The following KCNMA1 variants were observed in gnomAD, a reference collection of about 807,000 sequenced individuals.
KCNMA1 encodes potassium calcium-activated channel subfamily M alpha 1.
Under a neutral mutation model 140.0 loss-of-function variants are expected in KCNMA1, and 29 were observed. The observed-to-expected ratio is 0.21, with a 90% confidence interval of 0.15 to 0.28. The LOEUF (loss-of-function observed/expected upper bound fraction) is 0.28. Ranked by LOEUF, KCNMA1 falls within the 10% of genes least tolerant of loss-of-function variation. The probability of loss-of-function intolerance (pLI) is 1.00; values close to 1 mark genes in which losing one functional copy is unlikely to be tolerated. For missense variants in KCNMA1, 880 were observed against 1,602.2 expected (o/e 0.55, Z 7.70); for synonymous variants, 612 against 611.9 (o/e 1.00, Z 0.00).
chr10:76,890,271 AGCG>A (rs2039363775), intron 26 of KCNMA1, among the ~76,000 whole-genome samples: 1 of 152,224 alleles, frequency 6.6e-6, no homozygotes, highest in Non-Finnish European at 1.5e-5. Context: ...TGCTGGCTTC[AGCG>A]GCCAGGTGGC....
At chr10:77,016,323 T>A (rs1338081940) in intron 17 of KCNMA1, among the ~76,000 whole-genome samples, 1 of 152,166 alleles carries the variant, frequency 6.6e-6, no homozygotes, top group Non-Finnish European at 1.5e-5. Flanking sequence ...AATTATTTTT[T>A]AAAAAACTGT....
intron 5 of KCNMA1, among the ~76,000 whole-genome samples, chr10:77,137,757 T>G (rs2098078616): frequency 6.6e-6 from 1 of 152,210 alleles, no homozygotes; most frequent in Non-Finnish European, 1.5e-5. Flanking sequence ...CTTTGGTAAT[T>G]GTTCAGGTTG....
chr10:77,427,722 T>TTTAA, intron 1 of KCNMA1, among the ~76,000 whole-genome samples: 1 of 97,484 alleles, frequency 1.0e-5, no homozygotes, highest in Non-Finnish European at 2.2e-5. Flanking sequence ...CATCCATTCA[T>TTTAA]TTATTTATTT....
At chr10:77,413,179 A>T (rs1368154318) in intron 1 of KCNMA1, among the ~76,000 whole-genome samples, 1 of 152,138 alleles carries the variant, frequency 6.6e-6, no homozygotes. Context: ...TTTTTAAAAA[A>T]TGCTTTGTTT....
At chr10:76,941,116 G>GAGGGACGGGA in intron 23 of KCNMA1, among the ~76,000 whole-genome samples, 3 of 88,642 alleles carry the variant, frequency 3.4e-5, no homozygotes, top group East Asian at 4.2e-4. Context: ...GGGAGGGAGG[G>GAGGGACGGGA]AGGGAAGGGA....
chr10:77,266,641 C>A (rs1039471196), intron 2 of KCNMA1, among the ~76,000 whole-genome samples: 2 of 152,152 alleles, frequency 1.3e-5, no homozygotes, highest in Non-Finnish European at 2.9e-5. Context: ...ACAGAAAGAT[C>A]AACTCTTAGG....
intron 1 of KCNMA1, among the ~76,000 whole-genome samples, chr10:77,412,292 C>T (rs775858549): frequency 1.2e-4 from 19 of 152,318 alleles, no homozygotes; most frequent in South Asian, 4.1e-4. Context: ...AGGCCATTTC[C>T]CCTGAGCCTT....
intron 14 of KCNMA1, among the ~76,000 whole-genome samples, chr10:77,072,037 C>T (rs12774382): frequency 0.082 from 12,426 of 152,262 alleles, 648 homozygotes; most frequent in Non-Finnish European, 0.12. Flanking sequence ...TAGGTAGCCA[C>T]ATGACAGCAA....
At chr10:77,154,771 T>C (rs2098463649) in intron 5 of KCNMA1, among the ~76,000 whole-genome samples, 1 of 152,216 alleles carries the variant, frequency 6.6e-6, no homozygotes, top group African/African-American at 2.4e-5. Flanking sequence ...TGCTCACAAG[T>C]AGGTTACGGC....
At chr10:77,033,969 C>T (rs1286961147) in intron 15 of KCNMA1, among the ~76,000 whole-genome samples, 5 of 152,228 alleles carry the variant, frequency 3.3e-5, no homozygotes, top group Admixed American at 1.3e-4. Flanking sequence ...CTGCCAGGTG[C>T]GGTGGCTCAC....
At chr10:77,621,256 T>C (rs1247821515) in intron 1 of KCNMA1, among the ~76,000 whole-genome samples, 2 of 152,230 alleles carry the variant, frequency 1.3e-5, no homozygotes, top group Non-Finnish European at 2.9e-5. Context: ...GATTAAATTC[T>C]CTGTCGCACC....
At chr10:77,547,379 C>T (rs2061678147) in intron 1 of KCNMA1, among the ~76,000 whole-genome samples, 2 of 152,236 alleles carry the variant, frequency 1.3e-5, no homozygotes, top group African/African-American at 4.8e-5. Context: ...AACCTACCCA[C>T]TAAGACTTAA....
At chr10:77,172,627 G>T (rs923561595) in intron 5 of KCNMA1, among the ~76,000 whole-genome samples, 2 of 150,760 alleles carry the variant, frequency 1.3e-5, no homozygotes, top group Non-Finnish European at 2.9e-5. Context: ...CATTTTTCTT[G>T]TCACACTAGA....
chr10:77,013,314 A>G (rs906183191), intron 17 of KCNMA1, among the ~76,000 whole-genome samples: 3 of 152,148 alleles, frequency 2.0e-5, no homozygotes, highest in African/African-American at 7.2e-5. Context: ...CAGTCATTCC[A>G]TGCTGGGATT....
At chr10:77,228,051 A>G (rs1162815052) in intron 3 of KCNMA1, among the ~76,000 whole-genome samples, 1 of 143,380 alleles carries the variant, frequency 7.0e-6, no homozygotes, top group Non-Finnish European at 1.5e-5. Flanking sequence ...TGGAACCTCC[A>G]CCTCCAGGGT....
chr10:77,560,361 T>C (rs1301017139), intron 1 of KCNMA1, among the ~76,000 whole-genome samples: 1 of 152,174 alleles, frequency 6.6e-6, no homozygotes, highest in Non-Finnish European at 1.5e-5. Context: ...TACATGAACA[T>C]AAGTATTGGG....
At chr10:77,374,131 C>T (rs2094924468) in intron 2 of KCNMA1, among the ~76,000 whole-genome samples, 1 of 152,190 alleles carries the variant, frequency 6.6e-6, no homozygotes, top group African/African-American at 2.4e-5. Context: ...TAGTAAGAGG[C>T]AGAGACAAAC....
At chr10:77,388,293 C>G in intron 2 of KCNMA1, among the ~76,000 whole-genome samples, 1 of 152,202 alleles carries the variant, frequency 6.6e-6, no homozygotes, top group East Asian at 1.9e-4. Context: ...TTTTCTTGAG[C>G]CTCTTTACTT....
intron 8 of KCNMA1, among the ~76,000 whole-genome samples, chr10:77,109,849 C>A (rs528446529): frequency 6.6e-6 from 1 of 152,312 alleles, no homozygotes; most frequent in African/African-American, 2.4e-5. Flanking sequence ...GTCCTTGTAG[C>A]ATACCAGATG....
Sources: allele counts gnomAD v4.1 joint callset (sites outside exome capture counted in the v4.1 genomes callset), GRCh38; gene constraint gnomAD v4.1.1; transcripts MANE v1.5; gene names NCBI Gene and HGNC (gene_info 2026-07-23, HGNC 2026-07-21).